Variants in AGO4 observed in about 807,000 individuals in gnomAD.
The protein encoded by AGO4 is argonaute RISC component 4.
A neutral mutation model predicts 104.7 loss-of-function variants in AGO4; 33 were observed. The ratio of observed to expected loss-of-function variants is 0.32; its 90% CI spans 0.24 to 0.42. The LOEUF (loss-of-function observed/expected upper bound fraction) is 0.42, where lower values mean the gene tolerates loss of function less well. AGO4 is among the 10% of genes least tolerant of loss of function. AGO4 has a pLI of 1.00. For synonymous variants in AGO4, 331 were observed against 364.7 expected, an observed-to-expected ratio of 0.91 and a Z score of 1.05; for missense variants, 711 against 1,083.4, an observed-to-expected ratio of 0.66 and a Z score of 4.83.
At chr1:35,845,339 T>G (rs1224164036) in intron 15 of AGO4, among the ~76,000 whole-genome samples, 7 of 151,620 alleles carry the variant, frequency 4.6e-5, no homozygotes, top group African/African-American at 1.7e-4. Context: ...TACCAAGTAG[T>G]TGGGATTACA....
intron 1 of AGO4, among the ~76,000 whole-genome samples, chr1:35,815,289 A>G (rs1357566308): frequency 6.6e-6 from 1 of 152,190 alleles, no homozygotes; most frequent in African/African-American, 2.4e-5. Flanking sequence ...ACCACAGCCC[A>G]CTTTGCTCAG....
intron 1 of AGO4, among the ~76,000 whole-genome samples, chr1:35,812,271 T>C (rs1643534109): frequency 6.6e-6 from 1 of 152,164 alleles, no homozygotes; most frequent in Non-Finnish European, 1.5e-5. Context: ...TCTTCTAAGC[T>C]TATTAAAAGA....
chr1:35,853,345 T>C, intron 17 of AGO4, 152 bp from the exon 18 acceptor site: 2 of 477,264 alleles, frequency 4.2e-6, no homozygotes, highest in Non-Finnish European at 7.5e-6. Flanking sequence ...GCCTAAGATA[T>C]TCTAGAATCT....
Position 35,832,418 on chromosome 1 carries a change from C to CTTT in AGO4, c.1246-8_1246-6dup, listed in dbSNP as rs111531043. 2.3e-4 allele frequency: 267 copies of CTTT among 1,151,936 alleles called. No individual in the cohort carries two copies. The highest frequency in any genetic ancestry group is 7.7e-4 in the South Asian group (47 of 60,868). 71.4% of individuals were successfully genotyped at this position (1,151,936 alleles called of 1,614,324 possible). A position where few individuals can be genotyped will look rare whatever the true frequency, so the allele number is the denominator to read the frequency against. On this transcript the variant is annotated intron_variant, in intron 10 of 17. Transcript: ENST00000373210. ...TTTGTTTCTTCTTCTTCTTCTTCTT[C>CTTT]TTTTTTTTTTTTTCAAAGAATAAAA...
At chr1:35,830,985 A>AG (rs1644170676) in intron 7 of AGO4, among the ~76,000 whole-genome samples, 2 of 151,932 alleles carry the variant, frequency 1.3e-5, no homozygotes, top group South Asian at 4.2e-4. Context: ...AAAAAAAAAA[A>AG]AAAAAAAGAT....
At position 35,832,111 on chromosome 1, in the gene AGO4, A is replaced by G; in HGVS notation, c.1171A>G (p.Ile391Val). The change falls in exon 10 of 18, where the codon ATT becomes GTT. Residue 391 changes from isoleucine (I) to valine (V), a missense_variant. Ile to Val is a conservative substitution (Grantham distance 29). Transcript: ENST00000373210. ...GPDPYLKEFGIVVHNEMTELT... is the reference protein window; with the variant it reads ...GPDPYLKEFGVVVHNEMTELT... ...TGATCCATACCTTAAAGAATTTGGT[A>G]TTGTTGTCCACAATGAAATGACAGA... 6.2e-7 allele frequency: 1 copy of G among 1,614,220 alleles called. No homozygotes were observed. Among genetic ancestry groups the G allele is most frequent in the Non-Finnish European group, 8.5e-7 (1 of 1,180,042 alleles).
At chr1:35,832,007 GAC>G in intron 9 of AGO4, 48 bp from the exon 10 acceptor site, 1 of 1,605,542 alleles carries the variant, frequency 6.2e-7, no homozygotes, top group Non-Finnish European at 8.5e-7. Context: ...CTCCTCCTGG[GAC>G]ACAGTTACTC....
At position 35,856,272 on chromosome 1, in the gene AGO4, G is replaced by A. The variant is rs1644814337; in HGVS notation, c.*2667G>A. The A allele has an allele frequency of 6.6e-6, 1 of 152,230 alleles. No homozygotes were observed. Among genetic ancestry groups the A allele is most frequent in the Admixed American group, 6.5e-5 (1 of 15,290 alleles). 9.4% of individuals were successfully genotyped at this position (152,230 alleles called of 1,614,324 possible). ...TAGAGCTAATCACTGCAGAATCAGA[G>A]TTGCAGCAATATGATTGCAAGCAAG... On this transcript the variant is annotated 3_prime_UTR_variant, in exon 18 of 18. Coordinates refer to ENST00000373210, the MANE Select transcript of AGO4 (RefSeq NM_017629.4).
chr1:35,813,317 G>C (rs1023524089), intron 1 of AGO4, among the ~76,000 whole-genome samples: 3 of 151,894 alleles, frequency 2.0e-5, no homozygotes, highest in African/African-American at 7.3e-5. Context: ...GCTGAGGCAG[G>C]AGAATGGCGT....
At chr1:35,812,159 G>A (rs1468803783) in intron 1 of AGO4, among the ~76,000 whole-genome samples, 1 of 150,156 alleles carries the variant, frequency 6.7e-6, no homozygotes, top group Admixed American at 6.7e-5. Flanking sequence ...CTTCAGAGCT[G>A]TACAAATAAA....
intron 15 of AGO4, among the ~76,000 whole-genome samples, chr1:35,848,094 C>T (rs2148685840): frequency 6.6e-6 from 1 of 152,330 alleles, no homozygotes; most frequent in South Asian, 2.1e-4. Context: ...CTTTCTCCTT[C>T]ACTCCCAGCC....
intron 2 of AGO4, among the ~76,000 whole-genome samples, chr1:35,820,020 C>T (rs773320495): frequency 2.0e-5 from 3 of 151,876 alleles, no homozygotes; most frequent in African/African-American, 4.8e-5. Flanking sequence ...AGATTAAAGG[C>T]GATGAGGAAG....
chr1:35,832,503 A>T lies in AGO4; in HGVS notation c.1312A>T (p.Ile438Phe). ...DMRGKQFYAG[I>F]EIKVWAVACF... ...GCGAGGAAAGCAGTTTTATGCTGGC[A>T]TTGAAATTAAAGTTTGGGCAGTTGC... Residue 438 changes from isoleucine to phenylalanine, a missense_variant, in exon 11 of 18, where the codon ATT (isoleucine) becomes TTT (phenylalanine). Physicochemically the swap from Ile to Phe is conservative, Grantham distance 21. Transcript: ENST00000373210. The T allele has an allele frequency of 6.2e-7, 1 of 1,613,510 alleles. No homozygotes were observed. Among genetic ancestry groups the T allele is most frequent in the Non-Finnish European group, 8.5e-7 (1 of 1,179,952 alleles).
At position 35,815,010 on chromosome 1, in the gene AGO4, T is replaced by C. The variant is rs1041037116; in HGVS notation, c.20-1872T>C. Among the ~76,000 whole-genome samples, 10 of 152,256 alleles carry C rather than the reference T, an allele frequency of 6.6e-5. No individual in the cohort carries two copies. The Middle Eastern group carries it at 0.01, about 155-fold the overall frequency. ...CTCCTGCCTCAGCCTCCTGAGTAGCTGGGATTACAGGCATCCACCACCGTG... is the reference window on the plus strand; with the variant it reads ...CTCCTGCCTCAGCCTCCTGAGTAGCCGGGATTACAGGCATCCACCACCGTG... On this transcript the variant is annotated intron_variant, in intron 1 of 17. Coordinates refer to ENST00000373210, the MANE Select transcript of AGO4 (RefSeq NM_017629.4).
chr1:35,809,817 A>C (rs959587790), intron 1 of AGO4, among the ~76,000 whole-genome samples: 4 of 152,202 alleles, frequency 2.6e-5, no homozygotes, highest in African/African-American at 9.6e-5. Context: ...GATTGTTGAG[A>C]GAATGAAATG....
At chr1:35,812,085 T>G (rs1643527203) in intron 1 of AGO4, among the ~76,000 whole-genome samples, 1 of 152,062 alleles carries the variant, frequency 6.6e-6, no homozygotes, top group Non-Finnish European at 1.5e-5. Flanking sequence ...CTTTAGCCAC[T>G]GTGCTTTATT....
intron 11 of AGO4, among the ~76,000 whole-genome samples, chr1:35,832,842 C>T (rs1448972805): frequency 1.3e-5 from 2 of 152,166 alleles, no homozygotes; most frequent in Non-Finnish European, 2.9e-5. Context: ...CTTATTGAAG[C>T]TTCCTTTGGT....
At position 35,850,980 on chromosome 1, in the gene AGO4, C is replaced by G. The variant is rs148713478; in HGVS notation, c.2404C>G (p.Pro802Ala). The G allele has an allele frequency of 6.2e-7, 1 of 1,614,072 alleles. No individual in the cohort carries two copies. Among genetic ancestry groups the G allele is most frequent in the South Asian group, 1.1e-5 (1 of 91,082 alleles). Reference sequence around the variant, plus strand: ...GAGGTGCACTCGCTCAGTCTCTATTCCAGCCCCTGCATATTATGCCCGGCT... The same window carrying G: ...GAGGTGCACTCGCTCAGTCTCTATTGCAGCCCCTGCATATTATGCCCGGCT... ...YVRCTRSVSIPAPAYYARLVA... is the reference protein window; with the variant it reads ...YVRCTRSVSIAAPAYYARLVA... Residue 802 changes from proline (P) to alanine (A), a missense_variant, in exon 17 of 18, where the codon CCA becomes GCA. By Grantham distance (27) the Pro-to-Ala change is conservative. Coordinates refer to ENST00000373210, the MANE Select transcript of AGO4 (RefSeq NM_017629.4).
intron 15 of AGO4, among the ~76,000 whole-genome samples, chr1:35,847,409 T>A (rs1454168792): frequency 6.6e-6 from 1 of 152,048 alleles, no homozygotes; most frequent in Non-Finnish European, 1.5e-5. Flanking sequence ...AATTTTTGGA[T>A]TTTTAGTAGA....
Sources: gnomAD v4.1 joint callset for allele counts (sites outside exome capture counted in the v4.1 genomes callset) on GRCh38, gnomAD v4.1.1 for gene constraint, MANE v1.5 for transcripts, NCBI Gene and HGNC (gene_info 2026-07-23, HGNC 2026-07-21) for gene names.